TMEM167A: variants seen among roughly 807,000 people sequenced by gnomAD.
The protein encoded by TMEM167A is protein kish-A.
Under a neutral mutation model 11.6 loss-of-function variants are expected in TMEM167A, and 8 were observed. That is an observed-to-expected ratio of 0.69 (90% CI 0.40 to 1.24). The LOEUF (loss-of-function observed/expected upper bound fraction) is 1.24. Ranked by LOEUF, TMEM167A falls within the 50% of genes most tolerant of loss-of-function variation. TMEM167A has a pLI of 0.01. For synonymous variants in TMEM167A, 22 were observed against 28.0 expected, an observed-to-expected ratio of 0.79 and a Z score of 0.67; for missense variants, 62 against 87.0, an observed-to-expected ratio of 0.71 and a Z score of 1.14.
chr5:83,062,787 T>G (rs1459675845), intron 2 of TMEM167A, among the ~76,000 whole-genome samples: 1 of 151,650 alleles, frequency 6.6e-6, no homozygotes, highest in Non-Finnish European at 1.5e-5. Context: ...TTATGTTACG[T>G]AAATTCGAAT....
chr5:83,066,867 G>A lies in TMEM167A; in HGVS notation c.4-1750C>T, dbSNP rs370319644. 4.6e-4 allele frequency among the ~76,000 whole-genome samples: 70 copies of A among 152,176 alleles called. No homozygotes were observed. The East Asian group carries it at 0.011, about 23-fold the overall frequency. ...AAGAAATGAATTCTTTCCGGAGAGA[G>A]CACGTTGTTATAAAGCCATGATGCT... On this transcript the variant is annotated intron_variant, in intron 1 of 3. Coordinates refer to ENST00000502346, the MANE Select transcript of TMEM167A (RefSeq NM_174909.5).
intron 1 of TMEM167A, among the ~76,000 whole-genome samples, chr5:83,076,431 G>A (rs901015786): frequency 1.3e-5 from 2 of 152,232 alleles, no homozygotes; most frequent in Non-Finnish European, 1.5e-5. Context: ...ACGAGTAGAA[G>A]AATTCAACTT....
chr5:83,053,268 CT>C lies in TMEM167A; in HGVS notation c.*3815del, dbSNP rs1744284684. Reference sequence around the variant, plus strand: ...GCTTTGCAAAAAGCGTAAGTCCTTGCTTTTTGAGAATTTTTTTTTGTGCACC... The same window carrying C: ...GCTTTGCAAAAAGCGTAAGTCCTTGCTTTTGAGAATTTTTTTTTGTGCACC... On this transcript the variant is annotated 3_prime_UTR_variant, in exon 4 of 4. Transcript: ENST00000502346. 2.0e-5 allele frequency: 3 copies of C among 151,918 alleles called. No homozygotes were observed. The highest frequency in any genetic ancestry group is 2.9e-5 in the Non-Finnish European group (2 of 67,900). 9.4% of individuals were successfully genotyped at this position (151,918 alleles called of 1,614,324 possible).
chr5:83,066,348 T>C (rs147705461), intron 1 of TMEM167A, among the ~76,000 whole-genome samples: 1 of 152,148 alleles, frequency 6.6e-6, no homozygotes, highest in African/African-American at 2.4e-5. Flanking sequence ...TTACACAAAA[T>C]TGGTACTTGC....
At chr5:83,076,496 T>G (rs1182036213) in intron 1 of TMEM167A, among the ~76,000 whole-genome samples, 2 of 152,246 alleles carry the variant, frequency 1.3e-5, no homozygotes, top group African/African-American at 2.4e-5. Flanking sequence ...TAGTCTCAAC[T>G]GCCATCTTCC....
intron 1 of TMEM167A, among the ~76,000 whole-genome samples, chr5:83,067,761 C>T (rs113972578): frequency 0.11 from 16,963 of 152,030 alleles, 1,513 homozygotes; most frequent in African/African-American, 0.25. Context: ...GATCTGCCCA[C>T]CTTGGCCTCC....
chr5:83,069,412 T>C (rs1018171451), intron 1 of TMEM167A, among the ~76,000 whole-genome samples: 2 of 152,188 alleles, frequency 1.3e-5, no homozygotes, highest in African/African-American at 4.8e-5. Context: ...AAGGTAAGCA[T>C]ATTTAATCAC....
At chr5:83,068,428 A>T (rs1298087177) in intron 1 of TMEM167A, among the ~76,000 whole-genome samples, 1 of 152,212 alleles carries the variant, frequency 6.6e-6, no homozygotes, top group Non-Finnish European at 1.5e-5. Flanking sequence ...ACTGAGGCAC[A>T]CAGCAGTTAT....
intron 1 of TMEM167A, among the ~76,000 whole-genome samples, chr5:83,075,804 G>A (rs1351581844): frequency 2.0e-5 from 3 of 151,920 alleles, no homozygotes; most frequent in African/African-American, 4.8e-5. Flanking sequence ...TTACCATTGG[G>A]TTACCTCACA....
rs191327516 is a variant in TMEM167A, at chr5:83,061,215, G to A, written c.148+662C>T. On this transcript the variant is annotated intron_variant, in intron 3 of 3. Transcript: ENST00000502346. ...TAGCTGCTCAGAAAGACTTTCATTA[G>A]ATGGGAATACATCCTAGTTATCAAA... is the stretch of plus-strand genomic sequence containing the variant. 8.9e-4 allele frequency among the ~76,000 whole-genome samples: 136 copies of A among 152,272 alleles called. No homozygotes were observed. The Middle Eastern group carries it at 0.014, about 15-fold the overall frequency.
At chr5:83,072,423 T>G (rs1440894658) in intron 1 of TMEM167A, among the ~76,000 whole-genome samples, 2 of 152,208 alleles carry the variant, frequency 1.3e-5, no homozygotes, top group Non-Finnish European at 2.9e-5. Context: ...TCCTATCATA[T>G]GGTATGAAAT....
rs761680607 is a variant in TMEM167A, at chr5:83,057,167, A to G, written c.149-13T>C. On this transcript the variant is annotated splice_polypyrimidine_tract_variant and intron_variant, in intron 3 of 3. Coordinates refer to ENST00000502346, the MANE Select transcript of TMEM167A (RefSeq NM_174909.5). The stretch of plus-strand genomic sequence containing the variant: ...CTCTTCCGTTCACCTGTTGAAAAAA[A>G]GGAGATGTTCATCTTGATTAACTGA... 21 of 1,610,792 alleles carry G rather than the reference A, an allele frequency of 1.3e-5. No homozygotes were observed. Among genetic ancestry groups the G allele is most frequent in the Non-Finnish European group, 1.8e-5 (21 of 1,178,160 alleles).
intron 1 of TMEM167A, among the ~76,000 whole-genome samples, chr5:83,076,220 A>G (rs1326112690): frequency 2.0e-5 from 3 of 152,178 alleles, no homozygotes; most frequent in Admixed American, 6.5e-5. Flanking sequence ...TGTGAACTTG[A>G]TATTTCCATG....
Position 83,054,050 on chromosome 5 carries a change from T to A in TMEM167A, c.*3034A>T, listed in dbSNP as rs1463021339. ...CAAAACCAGGCAGAGATCTGCTCAT[T>A]TTTACTCTGTAAACTTGGAAAAGTT... On this transcript the variant is annotated 3_prime_UTR_variant, in exon 4 of 4. Coordinates refer to ENST00000502346, the MANE Select transcript of TMEM167A (RefSeq NM_174909.5). 1 of 152,018 alleles carries A rather than the reference T, an allele frequency of 6.6e-6. No homozygotes were observed. The highest frequency in any genetic ancestry group is 6.6e-5 in the Admixed American group (1 of 15,246). The allele number at this position is 152,018 out of a possible 1,614,324, so 9.4% of individuals were successfully genotyped here. A position where few individuals can be genotyped will look rare whatever the true frequency, so the allele number is the denominator to read the frequency against.
intron 1 of TMEM167A, among the ~76,000 whole-genome samples, chr5:83,071,089 C>T (rs1173261627): frequency 5.9e-5 from 9 of 152,058 alleles, no homozygotes; most frequent in Admixed American, 1.3e-4. Flanking sequence ...GGTTATTAAG[C>T]ATACTTAATC....
chr5:83,064,157 T>TA (rs760055377), intron 2 of TMEM167A: 4 of 495,510 alleles, frequency 8.1e-6, no homozygotes, highest in Non-Finnish European at 1.6e-5. Context: ...TTGACTGTAT[T>TA]AGTACATATT....
At chr5:83,062,836 A>C (rs1744425962) in intron 2 of TMEM167A, among the ~76,000 whole-genome samples, 1 of 151,432 alleles carries the variant, frequency 6.6e-6, no homozygotes, top group Non-Finnish European at 1.5e-5. Context: ...AATTCCAGAA[A>C]AATTTATAGT....
chr5:83,070,040 T>A (rs752107667), intron 1 of TMEM167A, among the ~76,000 whole-genome samples: 14 of 152,162 alleles, frequency 9.2e-5, no homozygotes, highest in Non-Finnish European at 1.3e-4. Context: ...TATATTTATG[T>A]TAAGGACCTA....
intron 1 of TMEM167A, among the ~76,000 whole-genome samples, chr5:83,065,575 G>C (rs924436554): frequency 6.6e-6 from 1 of 151,770 alleles, no homozygotes; most frequent in Non-Finnish European, 1.5e-5. Context: ...AATCCAAAAT[G>C]TTCCAAAATC....
Sources: allele counts gnomAD v4.1 joint callset (sites outside exome capture counted in the v4.1 genomes callset), GRCh38; gene constraint gnomAD v4.1.1; transcripts MANE v1.5; gene names NCBI Gene and HGNC (gene_info 2026-07-23, HGNC 2026-07-21).